ZNF860: variants seen among roughly 807,000 people sequenced by gnomAD.
ZNF860 encodes the protein zinc finger protein 860.
For missense variants in ZNF860, 641 were observed against 759.2 expected, an observed-to-expected ratio of 0.84 and a Z score of 1.83; for synonymous variants, 206 against 248.9, an observed-to-expected ratio of 0.83 and a Z score of 1.62.
At chr3:31,993,370 G>T (rs542104287), downstream of ZNF860, among the ~76,000 whole-genome samples, 10 of 151,706 alleles carry the variant, frequency 6.6e-5, no homozygotes, top group Non-Finnish European at 1.0e-4. Context: ...CACCATGCCC[G>T]GCTAATTTTG....
the ZNF860 span, among the ~76,000 whole-genome samples, chr3:32,004,604 C>G: frequency 1.5e-4 from 23 of 152,162 alleles, no homozygotes; most frequent in South Asian, 6.2e-4. Flanking sequence ...TTTTTCTAAG[C>G]TTTGGAGGAA....
the ZNF860 span, among the ~76,000 whole-genome samples, chr3:32,003,878 A>G: frequency 6.6e-6 from 1 of 152,120 alleles, no homozygotes; most frequent in Admixed American, 6.5e-5. Context: ...ACAAAGTAGA[A>G]AGTTCTAGAA....
At chr3:32,002,292 C>A in the ZNF860 span, among the ~76,000 whole-genome samples, 1 of 152,102 alleles carries the variant, frequency 6.6e-6, no homozygotes, top group South Asian at 2.1e-4. Flanking sequence ...AAAAAGCCTA[C>A]AAAGTTGTGT....
the ZNF860 span, among the ~76,000 whole-genome samples, chr3:31,997,304 C>G: frequency 1.3e-5 from 2 of 151,160 alleles, no homozygotes; most frequent in Non-Finnish European, 1.5e-5. Flanking sequence ...CTCACTCTGT[C>G]GCCAGGCTGG....
Position 31,990,333 on chromosome 3 carries a change from A to G in ZNF860, c.1254A>G (p.Arg418=). 6.2e-7 allele frequency: 1 copy of G among 1,614,146 alleles called. No individual in the cohort carries two copies. Among genetic ancestry groups the G allele is most frequent in the South Asian group, 1.1e-5 (1 of 91,082 alleles). ...SNATTIANHW[R]IHNEERSYKC... The stretch of plus-strand genomic sequence containing the variant: ...CTACAACCATTGCAAATCATTGGAG[A>G]ATCCATAATGAAGAGAGATCTTACA... Residue 418 remains arginine (R), a synonymous_variant, in exon 2 of 2, where the codon AGA becomes AGG. Transcript: ENST00000360311.
chr3:31,986,142 A>G (rs987146011), intron 1 of ZNF860: 12 of 152,246 alleles, frequency 7.9e-5, no homozygotes, highest in African/African-American at 2.9e-4. Flanking sequence ...TGATCCTCTC[A>G]TTACCACTCT....
At position 31,989,326 on chromosome 3, in the gene ZNF860, G is replaced by A. The variant is rs1698989646; in HGVS notation, c.247G>A (p.Glu83Lys). The change falls in exon 2 of 2, where the codon GAA (glutamate) becomes AAA (lysine). Residue 83 changes from glutamate to lysine, a missense_variant. By Grantham distance (56) the Glu-to-Lys change is moderately conservative (BLOSUM62 1). Transcript: ENST00000360311. ...CTCATCAACAGCGCAAGGCAATACA[G>A]AAGTGGACACAGGGACATTAGAAAG... Reference protein sequence around the residue: ...KFSSTAQGNTEVDTGTLERHE... With the variant: ...KFSSTAQGNTKVDTGTLERHE... 2 of 1,614,228 alleles carry A rather than the reference G, an allele frequency of 1.2e-6. No individual in the cohort carries two copies. Among genetic ancestry groups the A allele is most frequent in the Middle Eastern group, 1.6e-4 (1 of 6,062 alleles).
chr3:31,995,129 A>G (rs1046714073), downstream of ZNF860, among the ~76,000 whole-genome samples: 15 of 152,234 alleles, frequency 9.9e-5, no homozygotes, highest in East Asian at 1.9e-4. Context: ...GTAAGGGTCT[A>G]TGTTCAGCAG....
chr3:31,993,565 T>C (rs538298736), downstream of ZNF860, among the ~76,000 whole-genome samples: 4 of 152,250 alleles, frequency 2.6e-5, no homozygotes, highest in East Asian at 3.9e-4. Flanking sequence ...AAATAAGATA[T>C]ACAGATGTCC....
At chr3:31,988,424 G>T (rs1165742211) in intron 1 of ZNF860, among the ~76,000 whole-genome samples, 1 of 152,112 alleles carries the variant, frequency 6.6e-6, no homozygotes. Flanking sequence ...TGTGGCCAGA[G>T]GGTAGACTGT....
At chr3:31,992,302 A>G (rs1044187121), downstream of ZNF860, among the ~76,000 whole-genome samples, 3 of 152,206 alleles carry the variant, frequency 2.0e-5, no homozygotes, top group Non-Finnish European at 2.9e-5. Flanking sequence ...AGCTTTTTGT[A>G]TTGGTTTCCT....
Position 31,989,753 on chromosome 3 carries a change from T to G in ZNF860, c.674T>G (p.Ile225Arg). ...SLLTLKQEVH[I>R]REKSFQCNES... ...CTCACACTAAAACAGGAAGTACACA[T>G]AAGAGAAAAATCTTTCCAATGTAAT... The change falls in exon 2 of 2, where the codon ATA becomes AGA. Residue 225 changes from isoleucine to arginine, a missense_variant. Physicochemically the swap from Ile to Arg is moderately conservative, Grantham distance 97. Coordinates refer to ENST00000360311, the MANE Select transcript of ZNF860 (RefSeq NM_001137674.3). The G allele has an allele frequency of 6.2e-7, 1 of 1,614,160 alleles. No homozygotes were observed. The highest frequency in any genetic ancestry group is 1.1e-5 in the South Asian group (1 of 91,084).
chr3:31,987,981 T>C (rs967249215), intron 1 of ZNF860, among the ~76,000 whole-genome samples: 1 of 152,082 alleles, frequency 6.6e-6, no homozygotes, highest in Non-Finnish European at 1.5e-5. Context: ...GAAGGATGAT[T>C]AAGAGGGCAA....
rs755068445 is a variant in ZNF860, at chr3:31,990,468, CCA to C, written c.1390_1391del (p.His464SerfsTer9). ...AGTGTAATGAGTGTGGCAAGACCTT[CCA>C]TCACAATTCAGCCCTTGTAATTCAT... ...YKCNECGKTF[H>X]HNSALVIHKA... On this transcript the variant is annotated frameshift_variant, in exon 2 of 2. Coordinates refer to ENST00000360311, the MANE Select transcript of ZNF860 (RefSeq NM_001137674.3). LOFTEE classifies it low-confidence loss of function (END_TRUNC). 6.4e-7 allele frequency: 1 copy of C among 1,556,642 alleles called. No homozygotes were observed. Among genetic ancestry groups the C allele is most frequent in the South Asian group, 1.2e-5 (1 of 82,270 alleles).
Position 31,990,229 on chromosome 3 carries a change from A to G in ZNF860, c.1150A>G (p.Thr384Ala), listed in dbSNP as rs1187630605. 6.2e-7 allele frequency: 1 copy of G among 1,613,462 alleles called. No individual in the cohort carries two copies. The highest frequency in any genetic ancestry group is 8.5e-7 in the Non-Finnish European group (1 of 1,179,770). Residue 384 changes from threonine (T) to alanine (A), a missense_variant, in exon 2 of 2, where the codon ACA becomes GCA. Transcript: ENST00000360311. ...ECGKAFSGQS[T>A]LIHHQAIHGI... The stretch of plus-strand genomic sequence containing the variant: ...TGGCAAAGCCTTTAGTGGGCAGTCA[A>G]CACTTATTCACCATCAAGCAATCCA...
chr3:31,993,899 C>G (rs966329128), downstream of ZNF860, among the ~76,000 whole-genome samples: 2 of 150,684 alleles, frequency 1.3e-5, no homozygotes, highest in Non-Finnish European at 3.0e-5. Context: ...TATGTTTGTA[C>G]AAAAAAAAAC....
the ZNF860 span, among the ~76,000 whole-genome samples, chr3:32,004,415 T>C: frequency 2.0e-5 from 3 of 152,246 alleles, no homozygotes; most frequent in Non-Finnish European, 4.4e-5. Context: ...TGTTGTCACC[T>C]GACTCCCTTG....
In ZNF860 at chr3:31,990,041, A is replaced by C. The variant is rs762954730; in HGVS notation, c.962A>C (p.Lys321Thr). The part of the protein sequence containing the change: ...EKPYKCEECD[K>T]VFSRKSNLER... ...CCTTACAAATGTGAAGAATGTGACA[A>C]AGTTTTTAGTCGCAAATCAAATCTT... Residue 321 changes from lysine to threonine, a missense_variant, in exon 2 of 2, where the codon AAA becomes ACA. Transcript: ENST00000360311. 1 of 1,614,074 alleles carries C rather than the reference A, an allele frequency of 6.2e-7. No homozygotes were observed. The highest frequency in any genetic ancestry group is 1.1e-5 in the South Asian group (1 of 91,078).
At chr3:31,983,138 T>G (rs1393278538) in intron 1 of ZNF860, among the ~76,000 whole-genome samples, 2 of 152,196 alleles carry the variant, frequency 1.3e-5, no homozygotes, top group Non-Finnish European at 2.9e-5. Context: ...CCATTGAGAT[T>G]TTAGCATTAT....
Sources: gnomAD v4.1 joint callset for allele counts (sites outside exome capture counted in the v4.1 genomes callset) on GRCh38, gnomAD v4.1.1 for gene constraint, MANE v1.5 for transcripts, NCBI Gene and HGNC (gene_info 2026-07-23, HGNC 2026-07-21) for gene names.